TBCD: variants seen among roughly 807,000 people sequenced by gnomAD.
TBCD encodes the protein tubulin folding cofactor D, also known as tubulin-specific chaperone D.
TBCD carries 105 observed loss-of-function variants against 169.3 expected under a neutral mutation model. That is an observed-to-expected ratio of 0.62 (90% CI 0.53 to 0.73). TBCD has a LOEUF of 0.73. Ranked by LOEUF, TBCD falls within the 30% of genes least tolerant of loss-of-function variation. TBCD has a pLI of 0.00. For synonymous variants in TBCD, 700 were observed against 643.9 expected, an observed-to-expected ratio of 1.09 and a Z score of -1.32; for missense variants, 1,444 against 1,600.1, an observed-to-expected ratio of 0.90 and a Z score of 1.66.
chr17:82,845,419 T>G (rs1324574763), intron 13 of TBCD, among the ~76,000 whole-genome samples: 1 of 149,710 alleles, frequency 6.7e-6, no homozygotes, highest in East Asian at 2.0e-4. Flanking sequence ...CCCCTTCCTC[T>G]CCATCTTGTC....
intron 14 of TBCD, among the ~76,000 whole-genome samples, chr17:82,879,982 G>C (rs527421575): frequency 6.6e-6 from 1 of 152,006 alleles, no homozygotes; most frequent in Non-Finnish European, 1.5e-5. Context: ...GGAGGCTCAG[G>C]GGGGCTCAAG....
At chr17:82,792,013 T>A (rs766547587) in intron 7 of TBCD, among the ~76,000 whole-genome samples, 7 of 151,970 alleles carry the variant, frequency 4.6e-5, no homozygotes, top group Non-Finnish European at 8.8e-5. Context: ...AAAGGTACAG[T>A]AAAAATATAT....
At chr17:82,851,756 G>T (rs1314145897) in intron 13 of TBCD, among the ~76,000 whole-genome samples, 2 of 152,234 alleles carry the variant, frequency 1.3e-5, no homozygotes. Context: ...GCAGAAAGCA[G>T]GAGCCTTACA....
At chr17:82,940,191 T>A (rs1483423572) in intron 37 of TBCD, among the ~76,000 whole-genome samples, 2 of 141,870 alleles carry the variant, frequency 1.4e-5, no homozygotes, top group Non-Finnish European at 3.1e-5. Flanking sequence ...GCACCCATGC[T>A]GGCTCACACA....
intron 13 of TBCD, chr17:82,829,833 TGA>T (rs2053316115): frequency 2.6e-6 from 1 of 382,562 alleles, no homozygotes; most frequent in Non-Finnish European, 4.7e-6. Context: ...GTTGTAATGG[TGA>T]GATATTTATA....
chr17:82,829,010 C>T (rs2053222859), intron 13 of TBCD, among the ~76,000 whole-genome samples: 1 of 147,776 alleles, frequency 6.8e-6, no homozygotes, highest in Non-Finnish European at 1.5e-5. Flanking sequence ...CACGTGTACA[C>T]ACCCCCGCAG....
Position 82,884,472 on chromosome 17 carries a change from T to C in TBCD, c.1533+270T>C, listed in dbSNP as rs927871656. Among the ~76,000 whole-genome samples the C allele has an allele frequency of 5.4e-4, 82 of 152,070 alleles. No individual in the cohort carries two copies. The highest frequency in any genetic ancestry group is 1.9e-3 in the African/African-American group (79 of 41,470). On this transcript the variant is annotated intron_variant, in intron 15 of 38. Coordinates refer to ENST00000355528, the MANE Select transcript of TBCD (RefSeq NM_005993.5). The surrounding 1 kb of genome is among the most constrained non-coding windows in gnomAD (Gnocchi z 4.2). ...ATGGGTGATGGAGGCGAGTGGGAGGTGCCCGATGACAGGTCTTGGTGCAGG... is the reference window on the plus strand; with the variant it reads ...ATGGGTGATGGAGGCGAGTGGGAGGCGCCCGATGACAGGTCTTGGTGCAGG...
At chr17:82,839,524 C>CAT (rs200682801) in intron 13 of TBCD, among the ~76,000 whole-genome samples, 3,537 of 150,696 alleles carry the variant, frequency 0.023, 177 homozygotes, top group African/African-American at 0.082. Flanking sequence ...ATACACCACA[C>CAT]ATATAACCCT....
At chr17:82,802,773 C>CGTGCT (rs1244569671) in intron 9 of TBCD, among the ~76,000 whole-genome samples, 3 of 108,316 alleles carry the variant, frequency 2.8e-5, no homozygotes, top group African/African-American at 1.3e-4. Context: ...TACAGATTCA[C>CGTGCT]ATGCTGGTCC....
intron 19 of TBCD, among the ~76,000 whole-genome samples, chr17:82,904,185 G>C (rs1455510109): frequency 1.4e-5 from 2 of 147,906 alleles, no homozygotes; most frequent in African/African-American, 5.0e-5. Context: ...GACACTCCCT[G>C]GTCTCTGGTT....
chr17:82,845,107 G>A (rs1487908329), intron 13 of TBCD, among the ~76,000 whole-genome samples: 1 of 152,084 alleles, frequency 6.6e-6, no homozygotes, highest in Non-Finnish European at 1.5e-5. Flanking sequence ...GCAGGTGCTG[G>A]CGCCGCGGCC....
rs913543474 is a variant in TBCD, at chr17:82,922,853, T to C, written c.2179-799T>C. Among the ~76,000 whole-genome samples the C allele has an allele frequency of 2.6e-5, 4 of 152,362 alleles. No homozygotes were observed. Among genetic ancestry groups the C allele is most frequent in the Admixed American group, 6.5e-5 (1 of 15,308 alleles). On this transcript the variant is annotated intron_variant, in intron 25 of 38. Coordinates refer to ENST00000355528, the MANE Select transcript of TBCD (RefSeq NM_005993.5). This position sits in a 1 kb window ranked among gnomAD's most constrained non-coding sequence, Gnocchi z 4.1. The stretch of plus-strand genomic sequence containing the variant: ...ACACGTGGGTTTGGTGTTTGCCACT[T>C]GCTGGCTGTGTGGTCACGAGAGGCT...
At chr17:82,807,742 AC>A in intron 11 of TBCD, 74 bp downstream of exon 11, 1 of 1,227,798 alleles carries the variant, frequency 8.1e-7, no homozygotes, top group Non-Finnish European at 1.1e-6. Context: ...AGCTACAAAT[AC>A]CCAACAGCTT....
chr17:82,754,230 G>A (rs1279787576), intron 1 of TBCD, among the ~76,000 whole-genome samples: 1 of 152,112 alleles, frequency 6.6e-6, no homozygotes, highest in Non-Finnish European at 1.5e-5. Context: ...TAATCTGGGG[G>A]AAAGGGTGGG....
rs562379190 is a variant in TBCD, at chr17:82,857,803, C to T, written c.1319-12421C>T. 1.3e-4 allele frequency among the ~76,000 whole-genome samples: 17 copies of T among 130,032 alleles called. No homozygotes were observed. In the East Asian group the frequency reaches 2.9e-3, roughly 23 times the overall value. The allele number at this position is 130,032 out of a possible 152,430, so 85.3% of individuals were successfully genotyped here. A position where few individuals can be genotyped will look rare whatever the true frequency, so the allele number is the denominator to read the frequency against. On this transcript the variant is annotated intron_variant, in intron 13 of 38. Transcript: ENST00000355528. Reference sequence around the variant, plus strand: ...TTTTTCATTTTTTTTTTAAATTATACTTTAAGTTTTAGGGTACATGTGCAC... The same window carrying T: ...TTTTTCATTTTTTTTTTAAATTATATTTTAAGTTTTAGGGTACATGTGCAC...
chr17:82,799,522 G>T (rs1598567537), intron 8 of TBCD, among the ~76,000 whole-genome samples: 1 of 151,464 alleles, frequency 6.6e-6, no homozygotes, highest in Admixed American at 6.6e-5. Context: ...TTTCATTATG[G>T]AAAATTTGAA....
chr17:82,850,025 TG>T lies in TBCD; in HGVS notation c.1319-20197del, dbSNP rs1438657624. Among the ~76,000 whole-genome samples the T allele has an allele frequency of 2.8e-3, 343 of 123,414 alleles. 1 individual carries two copies. The highest frequency in any genetic ancestry group is 4.2e-3 in the Non-Finnish European group (236 of 56,066). 81.0% of individuals were successfully genotyped at this position (123,414 alleles called of 152,430 possible). On this transcript the variant is annotated intron_variant, in intron 13 of 38. Coordinates refer to ENST00000355528, the MANE Select transcript of TBCD (RefSeq NM_005993.5). ...GTGCTGCTGTTGGCTGTGCTGTTGT[TG>T]GCTGTGCTGTTGTTGGCTGTGCTGT...
At chr17:82,926,577 C>T in intron 28 of TBCD, 86 bp downstream of exon 28, 1 of 1,154,050 alleles carries the variant, frequency 8.7e-7, no homozygotes, top group South Asian at 1.3e-5. Flanking sequence ...TGCTCAGAGG[C>T]AGGACTTATG....
chr17:82,821,669 A>G (rs1354345413), intron 13 of TBCD, among the ~76,000 whole-genome samples: 1 of 152,098 alleles, frequency 6.6e-6, no homozygotes, highest in Non-Finnish European at 1.5e-5. Context: ...CCCATGTCTT[A>G]TAAAGTGTAA....
Sources: gnomAD v4.1 joint callset for allele counts (sites outside exome capture counted in the v4.1 genomes callset) on GRCh38, gnomAD v4.1.1 for gene constraint, Gnocchi (gnomAD v3.1) non-coding constraint, MANE v1.5 for transcripts, NCBI Gene and HGNC (gene_info 2026-07-23, HGNC 2026-07-21) for gene names.